Variants in CHD5 observed in about 807,000 individuals in gnomAD.
CHD5 encodes ATP-dependent chromatin remodeler CHD5.
Under a neutral mutation model 230.3 loss-of-function variants are expected in CHD5, and 69 were observed. The observed-to-expected ratio is 0.30, with a 90% CI of 0.25 to 0.37. The LOEUF (loss-of-function observed/expected upper bound fraction) is 0.37, where lower values mean the gene tolerates loss of function less well. Ranked by LOEUF, CHD5 falls within the 10% of genes least tolerant of loss-of-function variation. The pLI, the probability that CHD5 is intolerant of heterozygous loss-of-function variation, is 1.00. For synonymous variants in CHD5, 1,064 were observed against 1,065.9 expected (o/e 1.00, Z 0.03); for missense variants, 1,827 against 2,622.8 (o/e 0.70, Z 6.63).
chr1:6,146,086 G>T lies in CHD5; in HGVS notation c.1802+126C>A. ...CCTTGTGCCCCTGCTGTGCCCACAT[G>T]TGGTTCTGCACGGCAGCCCCAAAGC... On this transcript the variant is annotated intron_variant, in intron 11 of 41. Transcript: ENST00000262450. This position sits in a 1 kb window ranked among gnomAD's most constrained non-coding sequence, Gnocchi z 5.1. 1 of 857,530 alleles carries T rather than the reference G, an allele frequency of 1.2e-6. No homozygotes were observed. The highest frequency in any genetic ancestry group is 1.8e-6 in the Non-Finnish European group (1 of 548,870). 53.1% of individuals were successfully genotyped at this position (857,530 alleles called of 1,614,324 possible). A position where few individuals can be genotyped will look rare whatever the true frequency, so the allele number is the denominator to read the frequency against.
Position 6,146,671 on chromosome 1 carries a change from C to T in CHD5, c.1584G>A (p.Glu528=). 1 of 1,613,952 alleles carries T rather than the reference C, an allele frequency of 6.2e-7. No homozygotes were observed. Residue 528 remains glutamate (E), a synonymous_variant, in exon 10 of 42, where the codon GAG becomes GAA. Transcript: ENST00000262450. This position sits in a 1 kb window ranked among gnomAD's most constrained non-coding sequence, Gnocchi z 5.1. ...CACCCTCCCGGGCACTCACCTGTAG[C>T]TCCTTCACCCAGGAGCAATGCCAGT... ...LSYWHCSWVK[E]LQLELYHTVM... is the part of the protein sequence containing the mutation.
chr1:6,136,320 T>C (rs1355614064), intron 17 of CHD5, among the ~76,000 whole-genome samples, 197 bp downstream of exon 17: 1 of 152,100 alleles, frequency 6.6e-6, no homozygotes, highest in African/African-American at 2.4e-5. Flanking sequence ...TACCAAACAT[T>C]CCCATGTGCC....
chr1:6,150,483 CGGATGGACAAAA>C (rs1666988162), intron 7 of CHD5, among the ~76,000 whole-genome samples: 1 of 82,592 alleles, frequency 1.2e-5, no homozygotes, highest in East Asian at 4.3e-4. Context: ...GACGGACGGA[CGGATGGACAAAA>C]GGATGGATGA....
rs893416128 is a variant in CHD5 at position 6,134,656 on chromosome 1, C to A, written c.3012+62G>T. ...CAGCGGCCACAGGGACCTACCATGG[C>A]GGCCACAGGCACCTACCATGGCGGT... On this transcript the variant is annotated intron_variant, in intron 19 of 41. Coordinates refer to ENST00000262450, the MANE Select transcript of CHD5 (RefSeq NM_015557.3). The surrounding 1 kb of genome is among the most constrained non-coding windows in gnomAD (Gnocchi z 6.3). 7 of 1,520,192 alleles carry A rather than the reference C, an allele frequency of 4.6e-6. No homozygotes were observed. The highest frequency in any genetic ancestry group is 3.4e-5 in the South Asian group (3 of 87,032). 94.2% of individuals were successfully genotyped at this position (1,520,192 alleles called of 1,614,324 possible).
At chr1:6,151,527 G>C (rs12031763) in intron 6 of CHD5, among the ~76,000 whole-genome samples, 79,792 of 152,114 alleles carry the variant, frequency 0.52, 22,326 homozygotes, top group African/African-American at 0.71. Context: ...CTGTGGCTGC[G>C]TGTGTGCCAG....
chr1:6,135,451 G>A, intron 17 of CHD5, 48 bp from the exon 18 acceptor site: 2 of 1,543,082 alleles, frequency 1.3e-6, no homozygotes, highest in South Asian at 1.2e-5. Context: ...GACCGGGGCA[G>A]GGGAGGCAGG....
intron 37 of CHD5, 144 bp from the exon 38 acceptor site, chr1:6,110,134 G>T: frequency 1.1e-6 from 1 of 931,176 alleles, no homozygotes; most frequent in Non-Finnish European, 1.6e-6. Flanking sequence ...CCCTGGCCTG[G>T]TGGTGGCCAA....
intron 1 of CHD5, among the ~76,000 whole-genome samples, chr1:6,169,945 C>T (rs1190206232): frequency 6.6e-6 from 1 of 152,144 alleles, no homozygotes; most frequent in Non-Finnish European, 1.5e-5. Context: ...GGGAGTGTCA[C>T]TCAGAGCCTG....
At position 6,154,639 on chromosome 1, in the gene CHD5, C is replaced by A; in HGVS notation, c.745+21G>T. On this transcript the variant is annotated intron_variant, in intron 5 of 41. Coordinates refer to ENST00000262450, the MANE Select transcript of CHD5 (RefSeq NM_015557.3). This position sits in a 1 kb window ranked among gnomAD's most constrained non-coding sequence, Gnocchi z 7.0. Reference sequence around the variant, plus strand: ...GACCTCTTCCCAGCGGGACTAGGTGCCCACCCAACCCCAGCCTTACCTTTG... The same window carrying A: ...GACCTCTTCCCAGCGGGACTAGGTGACCACCCAACCCCAGCCTTACCTTTG... 1.3e-6 allele frequency: 2 copies of A among 1,532,382 alleles called. No homozygotes were observed. Among genetic ancestry groups the A allele is most frequent in the South Asian group, 2.5e-5 (2 of 78,668 alleles). 94.9% of individuals were successfully genotyped at this position (1,532,382 alleles called of 1,614,324 possible). A position where few individuals can be genotyped will look rare whatever the true frequency, so the allele number is the denominator to read the frequency against.
Position 6,106,587 on chromosome 1 carries a change from C to T in CHD5, c.5742+29G>A, listed in dbSNP as rs186096603. On this transcript the variant is annotated intron_variant, in intron 39 of 41. Coordinates refer to ENST00000262450, the MANE Select transcript of CHD5 (RefSeq NM_015557.3). ...CCACCCAGGGGCACGCCAGGGGGCT[C>T]GGGCCGGGGCACACAGGCCGAGCCT... 4.1e-3 allele frequency: 6,311 copies of T among 1,550,800 alleles called. 23 individuals carry two copies. Among genetic ancestry groups the T allele is most frequent in the Non-Finnish European group, 5.0e-3 (5,748 of 1,147,612 alleles).
At chr1:6,163,051 G>C (rs549575320) in intron 2 of CHD5, among the ~76,000 whole-genome samples, 3 of 152,336 alleles carry the variant, frequency 2.0e-5, no homozygotes, top group African/African-American at 7.2e-5. Context: ...TGGGAGAGTA[G>C]GGCTGGCAGA....
At chr1:6,173,806 T>A (rs1364087689) in intron 1 of CHD5, among the ~76,000 whole-genome samples, 1 of 151,864 alleles carries the variant, frequency 6.6e-6, no homozygotes, top group Admixed American at 6.6e-5. Context: ...GGCCAAGGAG[T>A]TCTCAGGCTG....
chr1:6,106,815 G>T, intron 38 of CHD5, 36 bp from the exon 39 acceptor site: 1 of 1,374,142 alleles, frequency 7.3e-7, no homozygotes, highest in Non-Finnish European at 9.7e-7. Flanking sequence ...AGGATGCAGG[G>T]ATGGAGGGGT....
Position 6,142,139 on chromosome 1 carries a change from A to T in CHD5, c.2425T>A (p.Phe809Ile). ...TAGCGAGCCCTCACCTTCATACGGA[A>T]TACCTTCTTCCCACTCCGAATGGCG... ...DNAIRSGKKV[F>I]RMKKEVQIKF... Residue 809 changes from phenylalanine to isoleucine, a missense_variant, in exon 15 of 42, where the codon TTC (phenylalanine) becomes ATC (isoleucine). Around this residue, in one of 14 missense-constraint regions of CHD5, gnomAD observed 80 missense variants for 96.4 expected, o/e 0.83. Transcript: ENST00000262450. The surrounding 1 kb of genome is among the most constrained non-coding windows in gnomAD (Gnocchi z 5.2). 6.2e-7 allele frequency: 1 copy of T among 1,614,016 alleles called. No individual in the cohort carries two copies. Among genetic ancestry groups the T allele is most frequent in the Non-Finnish European group, 8.5e-7 (1 of 1,179,914 alleles).
intron 33 of CHD5, among the ~76,000 whole-genome samples, chr1:6,113,962 A>G (rs756355982): frequency 3.3e-5 from 5 of 152,098 alleles, no homozygotes; most frequent in Non-Finnish European, 7.4e-5. Flanking sequence ...TAAAAACCAC[A>G]ATCCAGGCCG....
chr1:6,105,513 C>A lies in CHD5; in HGVS notation c.*47-86G>T. The A allele has an allele frequency of 2.4e-6, 1 of 412,196 alleles. No homozygotes were observed. Among genetic ancestry groups the A allele is most frequent in the South Asian group, 1.8e-5 (1 of 56,116 alleles). 25.5% of individuals were successfully genotyped at this position (412,196 alleles called of 1,614,324 possible). On this transcript the variant is annotated intron_variant, in intron 41 of 41. Coordinates refer to ENST00000262450, the MANE Select transcript of CHD5 (RefSeq NM_015557.3). This position sits in a 1 kb window ranked among gnomAD's most constrained non-coding sequence, Gnocchi z 4.8. ...ACCCAACAGCCTGTAGCTGCTTCTC[C>A]ACCTATCACAACCAACTATGATCGG...
chr1:6,125,807 T>A lies in CHD5; in HGVS notation c.4130A>T (p.Glu1377Val). ...DNQSEYSIGS[E>V]DEDEDFEERP... ...CTCTTCAAAGTCCTCATCCTCATCC[T>A]CAGAGCCAATGGAATATTCTGACTG... The change falls in exon 27 of 42, where the codon GAG becomes GTG. Residue 1377 changes from glutamate to valine, a missense_variant. Glu to Val is a moderately radical substitution (Grantham distance 121, BLOSUM62 -2). Transcript: ENST00000262450. This position sits in a 1 kb window ranked among gnomAD's most constrained non-coding sequence, Gnocchi z 6.7. The A allele has an allele frequency of 6.2e-7, 1 of 1,613,760 alleles. No homozygotes were observed. The highest frequency in any genetic ancestry group is 8.5e-7 in the Non-Finnish European group (1 of 1,179,954).
At position 6,136,810 on chromosome 1, in the gene CHD5, A is replaced by G; in HGVS notation, c.2492T>C (p.Ile831Thr). 6.2e-7 allele frequency: 1 copy of G among 1,613,868 alleles called. No homozygotes were observed. Among genetic ancestry groups the G allele is most frequent in the Admixed American group, 1.7e-5 (1 of 60,014 alleles). The change falls in exon 16 of 42, where the codon ATT becomes ACT. Residue 831 changes from isoleucine to threonine, a missense_variant. By Grantham distance (89) the Ile-to-Thr change is moderately conservative (BLOSUM62 -1). Transcript: ENST00000262450. The stretch of plus-strand genomic sequence containing the variant: ...GATGGAGCCCAGGATGGCCTGGTCA[A>G]TGGTGATGAGCTCATAGGAGGTGAG... ...VLLTSYELIT[I>T]DQAILGSIEW...
chr1:6,118,663 T>C (rs1666414868), intron 33 of CHD5, among the ~76,000 whole-genome samples: 1 of 152,044 alleles, frequency 6.6e-6, no homozygotes, highest in Admixed American at 6.6e-5. Context: ...GTTGCACAAC[T>C]CTGGATGTAC....
Sources: gnomAD v4.1 joint callset for allele counts (sites outside exome capture counted in the v4.1 genomes callset) on GRCh38, gnomAD v4.1.1 for gene constraint, gnomAD v4.1.1 regional missense constraint, Gnocchi (gnomAD v3.1) non-coding constraint, MANE v1.5 for transcripts, NCBI Gene and HGNC (gene_info 2026-07-23, HGNC 2026-07-21) for gene names.